The following UNC13B variants were observed in gnomAD, a reference collection of about 807,000 sequenced individuals.
UNC13B encodes the protein unc-13 homolog B.
UNC13B carries 144 observed loss-of-function variants against 211.0 expected under a neutral mutation model. The observed-to-expected ratio is 0.68, with a 90% CI of 0.60 to 0.78. The LOEUF (loss-of-function observed/expected upper bound fraction) is 0.78. Ranked by LOEUF, UNC13B falls within the 30% of genes least tolerant of loss-of-function variation. The pLI, the probability that UNC13B is intolerant of heterozygous loss-of-function variation, is 0.00. For synonymous variants in UNC13B, 709 were observed against 725.8 expected (o/e 0.98, Z 0.37); for missense variants, 1,777 against 2,002.0 (o/e 0.89, Z 2.14).
In UNC13B at chr9:35,162,307, T is replaced by C. The variant is rs1367887767; in HGVS notation, c.22+2T>C. On this transcript the variant is annotated splice_donor_variant, in intron 1 of 39. Transcript: ENST00000635942. LOFTEE classifies it high-confidence loss of function. ...CCATGTCACTGCTCTGCGTGCGCGG[T>C]GAGTGCGCGGACTGAGGCGGGGAGG... The C allele has an allele frequency of 6.5e-7, 1 of 1,543,144 alleles. No homozygotes were observed. Among genetic ancestry groups the C allele is most frequent in the South Asian group, 1.2e-5 (1 of 84,338 alleles).
intron 7 of UNC13B, among the ~76,000 whole-genome samples, chr9:35,281,338 C>T (rs1236475318): frequency 6.7e-6 from 1 of 149,542 alleles, no homozygotes; most frequent in South Asian, 2.1e-4. Context: ...ATTGCTTGAA[C>T]GCTAGGGGCA....
intron 5 of UNC13B, among the ~76,000 whole-genome samples, chr9:35,239,219 G>A (rs180680222): frequency 3.3e-5 from 5 of 152,100 alleles, no homozygotes; most frequent in South Asian, 2.1e-4. Context: ...GATATTTCAC[G>A]TGGGTCCTTT....
chr9:35,327,866 A>C (rs955251239), intron 11 of UNC13B, among the ~76,000 whole-genome samples: 1 of 152,174 alleles, frequency 6.6e-6, no homozygotes, highest in East Asian at 1.9e-4. Context: ...CTGTTTCTCT[A>C]ATATACGCAT....
chr9:35,359,901 C>T (rs1833290904), intron 11 of UNC13B, among the ~76,000 whole-genome samples: 1 of 152,114 alleles, frequency 6.6e-6, no homozygotes, highest in East Asian at 1.9e-4. Context: ...GAGCATGAGT[C>T]AGGTTATATC....
intron 2 of UNC13B, among the ~76,000 whole-genome samples, chr9:35,230,327 T>G (rs1437473338): frequency 1.3e-5 from 2 of 151,876 alleles, no homozygotes; most frequent in African/African-American, 4.8e-5. Flanking sequence ...AAAAGTTAGC[T>G]GGGCATGGTG....
chr9:35,203,244 C>A lies in UNC13B; in HGVS notation c.23-24771C>A, dbSNP rs1823426138. 2.0e-5 allele frequency among the ~76,000 whole-genome samples: 3 copies of A among 152,172 alleles called. No homozygotes were observed. In the South Asian group the frequency reaches 6.2e-4, roughly 31 times the overall value. ...TGCTTGTTAGTTGATGCAGTTTCTT[C>A]CTAGCATCGATGGTCTTTACAATTT... On this transcript the variant is annotated intron_variant, in intron 1 of 39. Transcript: ENST00000635942.
chr9:35,402,757 G>A (rs1017371414), intron 37 of UNC13B, among the ~76,000 whole-genome samples: 10 of 152,076 alleles, frequency 6.6e-5, no homozygotes, highest in Non-Finnish European at 1.2e-4. Flanking sequence ...CTGGGCATAG[G>A]TGGGAGGTTG....
At chr9:35,234,475 A>T (rs1035397482) in intron 3 of UNC13B, among the ~76,000 whole-genome samples, 6 of 152,204 alleles carry the variant, frequency 3.9e-5, no homozygotes, top group African/African-American at 1.4e-4. Flanking sequence ...GGATTTGAGG[A>T]TGTCACATAT....
At chr9:35,198,801 T>C (rs1197172492) in intron 1 of UNC13B, among the ~76,000 whole-genome samples, 1 of 152,106 alleles carries the variant, frequency 6.6e-6, no homozygotes, top group African/African-American at 2.4e-5. Flanking sequence ...GTCAGTTTTG[T>C]TATGTGTTAG....
chr9:35,310,560 C>T lies in UNC13B; in HGVS notation c.9102C>T (p.Asp3034=), dbSNP rs762338855. The change falls in exon 10 of 40, where the codon GAC becomes GAT. Residue 3034 remains aspartate (D), a synonymous_variant. Transcript: ENST00000635942. The part of the protein sequence containing the change: ...SELDQYHEQD[D]DHRETDSIHS... ...TAGACCAGTATCACGAACAAGATGA[C>T]GACCATCGGGAGACGGACTCGATTC... The T allele has an allele frequency of 2.0e-5, 32 of 1,614,046 alleles. 1 individual carries two copies. Among genetic ancestry groups the T allele is most frequent in the East Asian group, 8.9e-5 (4 of 44,880 alleles).
chr9:35,181,535 A>G (rs1405022103), intron 1 of UNC13B, among the ~76,000 whole-genome samples: 1 of 152,186 alleles, frequency 6.6e-6, no homozygotes, highest in Admixed American at 6.5e-5. Context: ...ACAACTTTTT[A>G]TATCAATGAA....
At chr9:35,402,909 G>T (rs1005873071) in intron 37 of UNC13B, among the ~76,000 whole-genome samples, 3 of 152,156 alleles carry the variant, frequency 2.0e-5, no homozygotes, top group Admixed American at 2.0e-4. Flanking sequence ...TAGGAGATAA[G>T]AGTTTTGGGG....
chr9:35,281,286 C>G (rs149510697), intron 7 of UNC13B, among the ~76,000 whole-genome samples: 95 of 150,482 alleles, frequency 6.3e-4, no homozygotes, highest in Non-Finnish European at 1.1e-3. Context: ...CATGGTGGCA[C>G]TTTCCTGTAA....
chr9:35,397,148 T>G lies in UNC13B; in HGVS notation c.11533-19T>G. 2.5e-6 allele frequency: 4 copies of G among 1,613,198 alleles called. No homozygotes were observed. Among genetic ancestry groups the G allele is most frequent in the Non-Finnish European group, 3.4e-6 (4 of 1,179,264 alleles). On this transcript the variant is annotated intron_variant, in intron 28 of 39. Transcript: ENST00000635942. ...AGATAGCAGCTGTGGATGGTGACCC[T>G]GTGTGTGGTCTTCCTTAGTTCCAGC...
chr9:35,198,875 T>C (rs577553722), intron 1 of UNC13B, among the ~76,000 whole-genome samples: 45 of 152,320 alleles, frequency 3.0e-4, no homozygotes, highest in African/African-American at 8.7e-4. Context: ...ATTATTATTA[T>C]TATACTTTAA....
intron 1 of UNC13B, among the ~76,000 whole-genome samples, chr9:35,224,103 A>G (rs954391826): frequency 6.6e-6 from 1 of 151,920 alleles, no homozygotes; most frequent in Admixed American, 6.6e-5. Flanking sequence ...AGCTTTGTCC[A>G]TTTTGCTCAG....
intron 7 of UNC13B, among the ~76,000 whole-genome samples, chr9:35,261,723 A>G (rs1405995603): frequency 6.6e-6 from 1 of 152,042 alleles, no homozygotes; most frequent in African/African-American, 2.4e-5. Flanking sequence ...CTCATTCTAG[A>G]TAACTATTTT....
intron 7 of UNC13B, among the ~76,000 whole-genome samples, chr9:35,267,689 G>C (rs558598109): frequency 1.3e-3 from 193 of 152,288 alleles, no homozygotes; most frequent in African/African-American, 4.1e-3. Flanking sequence ...GCCCTCTGAG[G>C]TGTAGGTGAG....
In UNC13B at chr9:35,300,469, T is replaced by C; in HGVS notation, c.1065T>C (p.Ser355=). ...SSCLRHCEKS[S]GSNQHVTNFT... ...GTTTAAGGCACTGTGAAAAGTCATCTGGCTCAAACCAGCATGTCACTAATT... is the reference window on the plus strand; with the variant it reads ...GTTTAAGGCACTGTGAAAAGTCATCCGGCTCAAACCAGCATGTCACTAATT... Residue 355 remains serine (S), a synonymous_variant, in exon 9 of 40, where the codon TCT becomes TCC. Transcript: ENST00000635942. 1 of 399,020 alleles carries C rather than the reference T, an allele frequency of 2.5e-6. No homozygotes were observed. The highest frequency in any genetic ancestry group is 6.3e-4 in the Middle Eastern group (1 of 1,588). The allele number at this position is 399,020 out of a possible 1,614,324, so 24.7% of individuals were successfully genotyped here. A position where few individuals can be genotyped will look rare whatever the true frequency, so the allele number is the denominator to read the frequency against.
Sources: allele counts gnomAD v4.1 joint callset (sites outside exome capture counted in the v4.1 genomes callset), GRCh38; gene constraint gnomAD v4.1.1; transcripts MANE v1.5; gene names NCBI Gene and HGNC (gene_info 2026-07-23, HGNC 2026-07-21).